The following EPG5 variants were observed in gnomAD, a reference collection of about 807,000 sequenced individuals.
EPG5 encodes ectopic P granules protein 5 homolog.
In EPG5, 159 loss-of-function variants were observed where a neutral mutation model predicts 302.7. The observed-to-expected ratio is 0.53, with a 90% CI of 0.46 to 0.60. The LOEUF is 0.60. Among genes scored for constraint, EPG5 ranks in the 20% least tolerant of loss-of-function variants. The pLI is 0.00. For missense variants in EPG5, 2,896 were observed against 3,092.4 expected (o/e 0.94, Z 1.51); for synonymous variants, 1,158 against 1,136.8 (o/e 1.02, Z -0.37).
intron 1 of EPG5, among the ~76,000 whole-genome samples, chr18:45,957,034 A>G (rs1404909668): frequency 6.6e-6 from 1 of 152,106 alleles, no homozygotes; most frequent in Non-Finnish European, 1.5e-5. Context: ...AAACAGACTA[A>G]AAACCTCATT....
chr18:45,965,983 G>A (rs975180734), intron 1 of EPG5, among the ~76,000 whole-genome samples: 15 of 152,040 alleles, frequency 9.9e-5, no homozygotes, highest in African/African-American at 3.4e-4. Flanking sequence ...AACCCGGGAG[G>A]CGGAGGTTGC....
intron 11 of EPG5, 39 bp from the exon 12 acceptor site, chr18:45,930,869 ATAAATT>A: frequency 6.6e-7 from 1 of 1,516,430 alleles, no homozygotes; most frequent in Non-Finnish European, 8.9e-7. Flanking sequence ...TGGGGAAAGA[ATAAATT>A]TATATCTTTT....
intron 1 of EPG5, among the ~76,000 whole-genome samples, chr18:45,959,233 C>T (rs1047193805): frequency 1.3e-5 from 2 of 152,036 alleles, no homozygotes; most frequent in East Asian, 1.9e-4. Flanking sequence ...CCCAGCTACT[C>T]GCGAGGCTGA....
rs942238247 is a variant in EPG5 at position 45,851,923 on chromosome 18, C to A, written c.*544G>T. 2 of 152,330 alleles carry A rather than the reference C, an allele frequency of 1.3e-5. No individual in the cohort carries two copies. Among genetic ancestry groups the A allele is most frequent in the Non-Finnish European group, 2.9e-5 (2 of 68,134 alleles). 9.4% of individuals were successfully genotyped at this position (152,330 alleles called of 1,614,324 possible). On this transcript the variant is annotated 3_prime_UTR_variant, in exon 44 of 44. Coordinates refer to ENST00000282041, the MANE Select transcript of EPG5 (RefSeq NM_020964.3). ...GTATTTTACACATGACCCACTTTAA[C>A]TAACTCGGCATTTTTATCTCCCTTC...
intron 35 of EPG5, among the ~76,000 whole-genome samples, 167 bp downstream of exon 35, chr18:45,876,069 A>G (rs1379748734): frequency 6.6e-6 from 1 of 152,162 alleles, no homozygotes; most frequent in Non-Finnish European, 1.5e-5. Context: ...AAAGAAAAAA[A>G]AAAAAAAAGT....
Position 45,851,206 on chromosome 18 carries a change from T to C in EPG5, c.*1261A>G, listed in dbSNP as rs2048419061. 1 of 152,208 alleles carries C rather than the reference T, an allele frequency of 6.6e-6. No homozygotes were observed. Among genetic ancestry groups the C allele is most frequent in the African/African-American group, 2.4e-5 (1 of 41,448 alleles). The allele number at this position is 152,208 out of a possible 1,614,324, so 9.4% of individuals were successfully genotyped here. A position where few individuals can be genotyped will look rare whatever the true frequency, so the allele number is the denominator to read the frequency against. On this transcript the variant is annotated 3_prime_UTR_variant, in exon 44 of 44. Coordinates refer to ENST00000282041, the MANE Select transcript of EPG5 (RefSeq NM_020964.3). ...CTGTTTAGACATTTTTAGGTAAATA[T>C]TCTCAGGCTACAGACTACCCATACA...
chr18:45,934,368 A>C (rs1315192548), intron 11 of EPG5, among the ~76,000 whole-genome samples: 1 of 152,188 alleles, frequency 6.6e-6, no homozygotes, highest in African/African-American at 2.4e-5. Context: ...TTTTCACCAA[A>C]ATTAATTTTT....
At position 45,943,244 on chromosome 18, in the gene EPG5, TAGTGAGTTGGCAA is replaced by T. The variant is rs984089547; in HGVS notation, c.1847_1859del (p.Phe616Ter). On this transcript the variant is annotated frameshift_variant, in exon 9 of 44. Coordinates refer to ENST00000282041, the MANE Select transcript of EPG5 (RefSeq NM_020964.3). LOFTEE classifies it high-confidence loss of function. ...CTAACCCCACAGCCAGAAGTTCCAC[TAGTGAGTTGGCAA>T]AGGCAAAAATTTTCATCATCTCTTG... is the stretch of plus-strand genomic sequence containing the variant. 13 of 1,614,024 alleles carry T rather than the reference TAGTGAGTTGGCAA, an allele frequency of 8.1e-6. No individual in the cohort carries two copies. The highest frequency in any genetic ancestry group is 1.1e-5 in the Non-Finnish European group (13 of 1,180,014).
In EPG5 at chr18:45,888,313, A is replaced by T. The variant is rs538287096; in HGVS notation, c.4953-406T>A. Among the ~76,000 whole-genome samples, 322 of 150,338 alleles carry T rather than the reference A, an allele frequency of 2.1e-3. 2 individuals are homozygous for T. The highest frequency in any genetic ancestry group is 7.5e-3 in the African/African-American group (308 of 40,904). On this transcript the variant is annotated intron_variant, in intron 28 of 43. Transcript: ENST00000282041. ...TTTATTTATTTTATTTTATTTATTT[A>T]TTTATTTTTTGACGGAGTCTCACTC...
intron 25 of EPG5, among the ~76,000 whole-genome samples, chr18:45,902,873 A>G (rs993701520): frequency 1.3e-5 from 2 of 152,210 alleles, no homozygotes; most frequent in Non-Finnish European, 2.9e-5. Context: ...CAGCTTACAA[A>G]TTGGGTTTCT....
In EPG5 at chr18:45,899,564, G is replaced by T; in HGVS notation, c.4649C>A (p.Thr1550Asn). ...DLNLLQQQARTAALRESQQVA... is the reference protein window; with the variant it reads ...DLNLLQQQARNAALRESQQVA... ...CTGCTGAGATTCCCGAAGAGCTGCG[G>T]TTCTGAAAAACATCATCAGGAGGTA... The change falls in exon 27 of 44, where the codon ACC becomes AAC. Residue 1550 changes from threonine to asparagine, a missense_variant and splice_region_variant. By Grantham distance (65) the Thr-to-Asn change is moderately conservative (BLOSUM62 0). Coordinates refer to ENST00000282041, the MANE Select transcript of EPG5 (RefSeq NM_020964.3). 6.2e-7 allele frequency: 1 copy of T among 1,613,912 alleles called. No individual in the cohort carries two copies. Among genetic ancestry groups the T allele is most frequent in the Non-Finnish European group, 8.5e-7 (1 of 1,179,856 alleles).
chr18:45,930,583 C>G (rs1168047919), intron 12 of EPG5, 93 bp downstream of exon 12: 2 of 1,056,406 alleles, frequency 1.9e-6, no homozygotes, highest in Non-Finnish European at 2.7e-6. Context: ...CTAAATAAGT[C>G]ACAATTTGTA....
At chr18:45,862,060 A>G (rs2048646928) in intron 39 of EPG5, among the ~76,000 whole-genome samples, 1 of 152,210 alleles carries the variant, frequency 6.6e-6, no homozygotes, top group South Asian at 2.1e-4. Flanking sequence ...TATCCTATAA[A>G]TGAAAACATG....
At chr18:45,806,016 A>AGGG in the EPG5 span, among the ~76,000 whole-genome samples, 1 of 152,212 alleles carries the variant, frequency 6.6e-6, no homozygotes, top group African/African-American at 2.4e-5. Context: ...TTTTTTATTT[A>AGGG]TAAAATGGAA....
At chr18:45,862,090 T>G (rs1349761003) in intron 39 of EPG5, among the ~76,000 whole-genome samples, 1 of 152,218 alleles carries the variant, frequency 6.6e-6, no homozygotes, top group Non-Finnish European at 1.5e-5. Flanking sequence ...TTTTTTGAAG[T>G]CTAATGTTAA....
At chr18:45,910,244 T>A (rs1242535384) in intron 23 of EPG5, among the ~76,000 whole-genome samples, 1 of 152,108 alleles carries the variant, frequency 6.6e-6, no homozygotes, top group African/African-American at 2.4e-5. Context: ...TATGATAAAA[T>A]TTGGCTTATT....
chr18:45,959,025 T>C (rs564787785), intron 1 of EPG5, among the ~76,000 whole-genome samples: 4 of 151,880 alleles, frequency 2.6e-5, no homozygotes, highest in African/African-American at 9.7e-5. Flanking sequence ...CCTTAAAAAC[T>C]CTGCTCTCTG....
chr18:45,821,274 C>G, the EPG5 span, among the ~76,000 whole-genome samples: 3 of 152,146 alleles, frequency 2.0e-5, no homozygotes, highest in Non-Finnish European at 4.4e-5. Flanking sequence ...TCCATGCATG[C>G]ACTATAAAGC....
At position 45,860,154 on chromosome 18, in the gene EPG5, C is replaced by T. The variant is rs1339777513; in HGVS notation, c.6959G>A (p.Arg2320His). ...TAACQSLASV[R>H]HMAETTEACI... Reference sequence around the variant, plus strand: ...GGCTTCTGTAGTCTCAGCCATGTGGCGGACGGACGCCAGGCTCTGGCAGGC... The same window carrying T: ...GGCTTCTGTAGTCTCAGCCATGTGGTGGACGGACGCCAGGCTCTGGCAGGC... Residue 2320 changes from arginine to histidine, a missense_variant, in exon 40 of 44, where the codon CGC becomes CAC. Physicochemically the swap from Arg to His is conservative, Grantham distance 29 (BLOSUM62 0). This residue lies in a region of EPG5 where 620 missense variants were observed against 704.2 expected (regional missense o/e 0.88). Transcript: ENST00000282041. 7.4e-6 allele frequency: 12 copies of T among 1,614,108 alleles called. No homozygotes were observed. Among genetic ancestry groups the T allele is most frequent in the East Asian group, 2.2e-5 (1 of 44,900 alleles).
Sources: allele counts gnomAD v4.1 joint callset (sites outside exome capture counted in the v4.1 genomes callset), GRCh38; gene constraint gnomAD v4.1.1; regional missense constraint gnomAD v4.1.1; transcripts MANE v1.5; gene names NCBI Gene and HGNC (gene_info 2026-07-23, HGNC 2026-07-21).